The following VEGFD variants were observed in gnomAD, a reference collection of about 807,000 sequenced individuals.
VEGFD encodes the protein c-fos induced growth factor (vascular endothelial growth factor D).
Under a neutral mutation model 28.0 loss-of-function variants are expected in VEGFD, and 26 were observed. That is an observed-to-expected ratio of 0.93 (90% CI 0.68 to 1.29). VEGFD has a LOEUF of 1.29. Ranked by LOEUF, VEGFD falls within the 50% of genes most tolerant of loss-of-function variation. The pLI is 0.00. For missense variants in VEGFD, 294 were observed against 273.4 expected (o/e 1.08, Z -0.53); for synonymous variants, 93 against 95.5 (o/e 0.97, Z 0.15).
chrX:15,368,240 A>T (rs777257830), intron 1 of VEGFD, among the ~76,000 whole-genome samples: 2 of 111,998 alleles, frequency 1.8e-5, no homozygotes, highest in African/African-American at 6.5e-5. Flanking sequence ...ACAGGATTCA[A>T]TTCAATCTTA....
At chrX:15,360,068 T>C (rs1922971556) in intron 2 of VEGFD, among the ~76,000 whole-genome samples, 1 of 112,341 alleles carries the variant, frequency 8.9e-6, no homozygotes, top group Admixed American at 9.4e-5. Flanking sequence ...TATAGGGGAA[T>C]AGAAGGAATA....
chrX:15,366,524 T>G, intron 1 of VEGFD, among the ~76,000 whole-genome samples: 1 of 111,966 alleles, frequency 8.9e-6, no homozygotes, highest in Middle Eastern at 4.6e-3. Flanking sequence ...GAGATTCATT[T>G]TTCTTTCTCA....
chrX:15,381,128 T>C (rs1923560964), intron 1 of VEGFD, among the ~76,000 whole-genome samples: 1 of 112,036 alleles, frequency 8.9e-6, no homozygotes, highest in Non-Finnish European at 1.9e-5. Context: ...ACATGTTCCA[T>C]GCACTGCTGA....
intron 1 of VEGFD, among the ~76,000 whole-genome samples, chrX:15,370,785 TTTTC>T (rs759252409): frequency 2.7e-4 from 30 of 111,077 alleles, no homozygotes; most frequent in Middle Eastern, 4.6e-3. Flanking sequence ...TCTTTTTCTT[TTTTC>T]TTTCTTTCTT....
chrX:15,368,116 G>A (rs6629040), intron 1 of VEGFD, among the ~76,000 whole-genome samples: 1 of 97,246 alleles, frequency 1.0e-5, no homozygotes, highest in South Asian at 5.0e-4. Context: ...AGGAAAGAAA[G>A]AAAGGAGAGA....
intron 1 of VEGFD, among the ~76,000 whole-genome samples, chrX:15,383,001 TG>T (rs1923621407): frequency 8.9e-6 from 1 of 111,803 alleles, no homozygotes; most frequent in African/African-American, 3.3e-5. Flanking sequence ...TTTCCCCTGC[TG>T]GGGGCGATAT....
chrX:15,383,345 A>C (rs1923632736), intron 1 of VEGFD, among the ~76,000 whole-genome samples: 1 of 112,116 alleles, frequency 8.9e-6, no homozygotes, highest in Non-Finnish European at 1.9e-5. Context: ...AAGCGAAAAA[A>C]CCAAACACTC....
chrX:15,359,235 C>T (rs1437208065), intron 2 of VEGFD, among the ~76,000 whole-genome samples: 1 of 110,245 alleles, frequency 9.1e-6, no homozygotes, highest in Non-Finnish European at 1.9e-5. Flanking sequence ...TGGGATACCA[C>T]TTCCATGATG....
In VEGFD at chrX:15,384,335, C is replaced by T. The variant is rs1288567437; in HGVS notation, c.-389G>A. On this transcript the variant is annotated 5_prime_UTR_variant, in exon 1 of 7. It removes the in-frame stop codon of an upstream open reading frame in the 5' UTR. Transcript: ENST00000297904. The stretch of plus-strand genomic sequence containing the variant: ...GTGGTGTGGCCACCAATGCTTACAG[C>T]TACAGAAAGCTGGAACCCAACTCTG... 2.3e-5 allele frequency: 3 copies of T among 129,238 alleles called. No homozygotes were observed. The highest frequency in any genetic ancestry group is 6.4e-5 in the African/African-American group (2 of 31,255). 10.7% of individuals were successfully genotyped at this position (129,238 alleles called of 1,213,427 possible). A position where few individuals can be genotyped will look rare whatever the true frequency, so the allele number is the denominator to read the frequency against.
chrX:15,362,025 T>C (rs1923026840), intron 2 of VEGFD, among the ~76,000 whole-genome samples: 1 of 110,900 alleles, frequency 9.0e-6, no homozygotes, highest in Non-Finnish European at 1.9e-5. Context: ...TGCACCGCCA[T>C]GCCTGGCTAA....
intron 3 of VEGFD, among the ~76,000 whole-genome samples, chrX:15,357,499 T>A (rs1213559726): frequency 9.0e-6 from 1 of 111,600 alleles, no homozygotes; most frequent in Non-Finnish European, 1.9e-5. Flanking sequence ...GTCTCCTCAG[T>A]CGAAGGGTGG....
At chrX:15,358,941 A>C (rs950363274) in intron 2 of VEGFD, among the ~76,000 whole-genome samples, 1 of 112,103 alleles carries the variant, frequency 8.9e-6, no homozygotes, top group Admixed American at 9.5e-5. Flanking sequence ...ACCCTTTGAT[A>C]CTTAATGCTG....
chrX:15,382,870 C>G (rs1478951054), intron 1 of VEGFD, among the ~76,000 whole-genome samples: 5 of 111,844 alleles, frequency 4.5e-5, no homozygotes, highest in Admixed American at 9.5e-5. Context: ...TTTGAAGACA[C>G]TTTCCCCCTA....
chrX:15,367,608 T>A (rs745790090), intron 1 of VEGFD, among the ~76,000 whole-genome samples: 8 of 111,504 alleles, frequency 7.2e-5, no homozygotes, highest in African/African-American at 2.3e-4. Context: ...ATTTTAGAGT[T>A]GAAGCATATT....
intron 6 of VEGFD, among the ~76,000 whole-genome samples, chrX:15,346,950 C>G (rs1326208641): frequency 9.0e-6 from 1 of 111,074 alleles, no homozygotes; most frequent in East Asian, 2.8e-4. Flanking sequence ...GCTCTACACA[C>G]ATAATAACAG....
chrX:15,362,369 A>AG (rs1923034871), intron 2 of VEGFD, among the ~76,000 whole-genome samples: 1 of 110,742 alleles, frequency 9.0e-6, no homozygotes, highest in East Asian at 2.8e-4. Flanking sequence ...AAAATCACAC[A>AG]ACTTTGCAGA....
intron 3 of VEGFD, among the ~76,000 whole-genome samples, chrX:15,357,501 G>A (rs144993569): frequency 1.9e-4 from 21 of 111,266 alleles, no homozygotes; most frequent in Admixed American, 5.8e-4. Flanking sequence ...CTCCTCAGTC[G>A]AAGGGTGGGG....
chrX:15,350,573 C>T (rs1427847006), intron 5 of VEGFD, among the ~76,000 whole-genome samples: 3 of 112,322 alleles, frequency 2.7e-5, no homozygotes, highest in Non-Finnish European at 3.8e-5. Context: ...TGGTCTGCTG[C>T]CTCTCTCTTT....
intron 4 of VEGFD, among the ~76,000 whole-genome samples, chrX:15,353,433 G>C (rs763972072): frequency 8.9e-6 from 1 of 112,654 alleles, no homozygotes; most frequent in African/African-American, 3.2e-5. Context: ...AAGGATGTGA[G>C]AAGAGTTAAG....
Sources: gnomAD v4.1 joint callset for allele counts (sites outside exome capture counted in the v4.1 genomes callset) on GRCh38, gnomAD v4.1.1 for gene constraint, MANE v1.5 for transcripts, NCBI Gene and HGNC (gene_info 2026-07-23, HGNC 2026-07-21) for gene names.